The following PID1 variants were observed in gnomAD, a reference collection of about 807,000 sequenced individuals.
PID1 encodes the protein phosphotyrosine interaction domain containing 1.
Under a neutral mutation model 19.1 loss-of-function variants are expected in PID1, and 10 were observed. That is an observed-to-expected ratio of 0.52 (90% CI 0.32 to 0.89). The LOEUF is 0.89. Among genes scored for constraint, PID1 ranks in the 40% least tolerant of loss-of-function variants. PID1 has a pLI of 0.03. For missense variants in PID1, 248 were observed against 285.3 expected (o/e 0.87, Z 0.94); for synonymous variants, 130 against 116.0 (o/e 1.12, Z -0.78).
At chr2:229,256,903 T>C (rs527241933) in intron 1 of PID1, among the ~76,000 whole-genome samples, 1 of 152,254 alleles carries the variant, frequency 6.6e-6, no homozygotes, top group South Asian at 2.1e-4. Context: ...AAACACAAAA[T>C]ACATATCAGA....
intron 1 of PID1, among the ~76,000 whole-genome samples, chr2:229,214,343 G>A (rs992620710): frequency 1.3e-5 from 2 of 152,030 alleles, no homozygotes; most frequent in Non-Finnish European, 2.9e-5. Context: ...TCCCCCATCC[G>A]GAGCAAGCAT....
chr2:229,153,431 T>G (rs1690297701), intron 2 of PID1, among the ~76,000 whole-genome samples: 1 of 152,156 alleles, frequency 6.6e-6, no homozygotes, highest in African/African-American at 2.4e-5. Flanking sequence ...CCATAAACTT[T>G]ATATAGCCCG....
chr2:229,230,209 A>T (rs12618624), intron 1 of PID1, among the ~76,000 whole-genome samples: 70,163 of 152,106 alleles, frequency 0.46, 17,081 homozygotes, highest in East Asian at 0.76. Context: ...TTAGCTGTAT[A>T]CATGGGTAAA....
intron 2 of PID1, among the ~76,000 whole-genome samples, chr2:229,084,038 T>C (rs1038290422): frequency 1.3e-5 from 2 of 152,206 alleles, no homozygotes; most frequent in African/African-American, 4.8e-5. Flanking sequence ...TGAATGATTA[T>C]AAACAGAAGA....
rs191654867 is a variant in PID1, at chr2:229,140,877, C to A, written c.177+14941G>T. Among the ~76,000 whole-genome samples, 799 of 151,986 alleles carry A rather than the reference C, an allele frequency of 5.3e-3. 3 individuals are homozygous for A. Among genetic ancestry groups the A allele is most frequent in the Admixed American group, 7.7e-3 (118 of 15,260 alleles). ...TATGTATTAATACATTTATAATTAT[C>A]AGTAGTGTTTCTTTTGTTTAAAGGG... On this transcript the variant is annotated intron_variant, in intron 2 of 2. Coordinates refer to ENST00000392055, the MANE Select transcript of PID1 (RefSeq NM_001100818.2).
At chr2:229,178,385 C>T (rs951196099) in intron 1 of PID1, among the ~76,000 whole-genome samples, 4 of 152,114 alleles carry the variant, frequency 2.6e-5, no homozygotes, top group African/African-American at 4.8e-5. Flanking sequence ...AAAACCTCCC[C>T]GTAAGCTCAT....
intron 2 of PID1, among the ~76,000 whole-genome samples, chr2:229,133,286 A>G (rs932335055): frequency 5.9e-5 from 9 of 152,360 alleles, no homozygotes; most frequent in Admixed American, 4.6e-4. Flanking sequence ...AAGGAAAGTA[A>G]CACTTCCAGG....
chr2:229,039,914 C>T (rs987758708), intron 2 of PID1, among the ~76,000 whole-genome samples: 9 of 152,030 alleles, frequency 5.9e-5, no homozygotes, highest in Non-Finnish European at 1.5e-5. Context: ...AGGTACTCTT[C>T]AATATGAAAA....
chr2:229,234,431 C>T (rs1415686223), intron 1 of PID1, among the ~76,000 whole-genome samples: 2 of 152,068 alleles, frequency 1.3e-5, no homozygotes, highest in Non-Finnish European at 1.5e-5. Flanking sequence ...AGAAAGGGGC[C>T]ACAAGCCTAG....
chr2:229,153,545 G>A (rs762281271), intron 2 of PID1, among the ~76,000 whole-genome samples: 1 of 152,114 alleles, frequency 6.6e-6, no homozygotes. Flanking sequence ...CGAGGCCAGC[G>A]GAACCCTTGC....
chr2:229,231,631 A>G (rs1203217572), intron 1 of PID1, among the ~76,000 whole-genome samples: 1 of 152,148 alleles, frequency 6.6e-6, no homozygotes, highest in Non-Finnish European at 1.5e-5. Flanking sequence ...ACTCAAGGCT[A>G]AAACCAAATG....
At chr2:229,133,167 T>G (rs1161199418) in intron 2 of PID1, among the ~76,000 whole-genome samples, 3 of 152,260 alleles carry the variant, frequency 2.0e-5, no homozygotes, top group African/African-American at 7.2e-5. Flanking sequence ...AGGAGCTGGA[T>G]GGTATGCAAT....
rs1040781390 is a variant in PID1 at position 229,208,408 on chromosome 2, A to G, written c.31-52444T>C. ...TAGAATCCAAGTAACAATTGTCTCA[A>G]AAAGAAACATATATCCCTGCCCTTT... On this transcript the variant is annotated intron_variant, in intron 1 of 2. Transcript: ENST00000392055. Among the ~76,000 whole-genome samples, 3 of 152,226 alleles carry G rather than the reference A, an allele frequency of 2.0e-5. No homozygotes were observed. In the East Asian group the frequency reaches 5.8e-4, roughly 29 times the overall value.
At chr2:229,160,073 T>C (rs968307766) in intron 1 of PID1, among the ~76,000 whole-genome samples, 3 of 152,214 alleles carry the variant, frequency 2.0e-5, no homozygotes, top group African/African-American at 7.2e-5. Flanking sequence ...TCTGCCATTT[T>C]CCTCAGGCTC....
chr2:229,093,164 G>A (rs1260262255), intron 2 of PID1, among the ~76,000 whole-genome samples: 15 of 137,188 alleles, frequency 1.1e-4, no homozygotes, highest in African/African-American at 3.3e-4. Context: ...ATGGAGTCTC[G>A]CTCTGTCACC....
At chr2:229,116,830 C>A (rs1695419302) in intron 2 of PID1, among the ~76,000 whole-genome samples, 1 of 152,106 alleles carries the variant, frequency 6.6e-6, no homozygotes. Flanking sequence ...TGGCTTTTCA[C>A]CTTCCACCCC....
chr2:229,248,364 T>G (rs776386685), intron 1 of PID1, among the ~76,000 whole-genome samples: 11 of 152,186 alleles, frequency 7.2e-5, no homozygotes, highest in Non-Finnish European at 1.5e-4. Context: ...GCCTTCTCAG[T>G]GCGTTGTATC....
intron 2 of PID1, among the ~76,000 whole-genome samples, chr2:229,031,523 A>T (rs1693555235): frequency 6.6e-6 from 1 of 152,104 alleles, no homozygotes; most frequent in Non-Finnish European, 1.5e-5. Flanking sequence ...GCACCACTGC[A>T]CTCCAGCCTG....
chr2:229,072,318 G>A (rs765837852), intron 2 of PID1, among the ~76,000 whole-genome samples: 2 of 152,224 alleles, frequency 1.3e-5, no homozygotes, highest in Non-Finnish European at 2.9e-5. Context: ...GCCAGGCGTG[G>A]TGGCTCATGT....
Sources: gnomAD v4.1 joint callset for allele counts (sites outside exome capture counted in the v4.1 genomes callset) on GRCh38, gnomAD v4.1.1 for gene constraint, MANE v1.5 for transcripts, NCBI Gene and HGNC (gene_info 2026-07-23, HGNC 2026-07-21) for gene names.